The following CSGALNACT1 variants were observed in gnomAD, a reference collection of about 807,000 sequenced individuals.
CSGALNACT1 encodes the protein beta4GalNAcT-1.
Under a neutral mutation model 51.0 loss-of-function variants are expected in CSGALNACT1, and 52 were observed. The observed-to-expected ratio is 1.02, with a 90% CI of 0.82 to 1.29. The LOEUF (loss-of-function observed/expected upper bound fraction) is 1.29, where lower values mean the gene tolerates loss of function less well. CSGALNACT1 is among the 50% of genes most tolerant of loss of function. CSGALNACT1 has a pLI of 0.00. For missense variants in CSGALNACT1, 935 were observed against 679.2 expected (o/e 1.38, Z -4.19); for synonymous variants, 341 against 254.4 (o/e 1.34, Z -3.24).
At chr8:19,682,537 C>A in exon 1 of CSGALNACT1, 1 of 426,082 alleles carries the variant, frequency 2.3e-6, no homozygotes, top group Non-Finnish European at 4.8e-6. Flanking sequence ...TGGTCTTTCC[C>A]GGTCTTTGCT....
chr8:19,443,401 G>A (rs929283455), intron 5 of CSGALNACT1, among the ~76,000 whole-genome samples: 3 of 152,068 alleles, frequency 2.0e-5, no homozygotes, highest in Admixed American at 1.3e-4. Context: ...ATCTGTATTA[G>A]TCTATTCTCA....
At chr8:19,609,601 A>G (rs1039284803) in intron 1 of CSGALNACT1, among the ~76,000 whole-genome samples, 2 of 150,060 alleles carry the variant, frequency 1.3e-5, no homozygotes, top group African/African-American at 2.5e-5. Flanking sequence ...TACATACTGT[A>G]TGATTCCATT....
At chr8:19,633,764 T>C (rs774449054) in intron 1 of CSGALNACT1, among the ~76,000 whole-genome samples, 3 of 152,222 alleles carry the variant, frequency 2.0e-5, no homozygotes, top group South Asian at 4.1e-4. Context: ...ATCTAGCTTG[T>C]AGTGATTTGT....
At chr8:19,667,052 A>G (rs146481753) in intron 1 of CSGALNACT1, among the ~76,000 whole-genome samples, 5,524 of 101,638 alleles carry the variant, frequency 0.054, 551 homozygotes, top group Admixed American at 0.07. Flanking sequence ...AGAAAGAAAG[A>G]AAGAAAGAAA....
chr8:19,738,617 T>C (rs1381884178), intron 1 of CSGALNACT1, among the ~76,000 whole-genome samples: 2 of 152,160 alleles, frequency 1.3e-5, no homozygotes, highest in Admixed American at 6.5e-5. Context: ...CTAAAAATGG[T>C]AAAAATAATG....
At chr8:19,534,005 G>A (rs1244233398) in intron 3 of CSGALNACT1, among the ~76,000 whole-genome samples, 1 of 151,896 alleles carries the variant, frequency 6.6e-6, no homozygotes, top group Admixed American at 6.6e-5. Context: ...ATTGTTCTGA[G>A]GTACTCAGAT....
intron 1 of CSGALNACT1, among the ~76,000 whole-genome samples, chr8:19,669,010 A>G (rs1172025952): frequency 6.6e-6 from 1 of 152,226 alleles, no homozygotes; most frequent in East Asian, 1.9e-4. Flanking sequence ...CAGAAAAACA[A>G]CTTATTACAG....
At chr8:19,406,612 T>C (rs1284270249) in intron 9 of CSGALNACT1, among the ~76,000 whole-genome samples, 1 of 34,940 alleles carries the variant, frequency 2.9e-5, no homozygotes, top group African/African-American at 1.2e-4. Flanking sequence ...TAATTAAAAA[T>C]AGAGGTTTCG....
intron 5 of CSGALNACT1, among the ~76,000 whole-genome samples, 174 bp downstream of exon 4, chr8:19,458,252 T>C (rs1435677533): frequency 1.3e-5 from 2 of 152,218 alleles, no homozygotes; most frequent in Non-Finnish European, 2.9e-5. Context: ...AGTTTTCTAA[T>C]TGCTCTAGGG....
At chr8:19,719,471 T>C (rs986110913) in intron 1 of CSGALNACT1, among the ~76,000 whole-genome samples, 4 of 152,190 alleles carry the variant, frequency 2.6e-5, no homozygotes, top group African/African-American at 9.7e-5. Context: ...CCTCAGAACC[T>C]GGGTACATTA....
chr8:19,424,723 A>G (rs1696504702), intron 6 of CSGALNACT1, among the ~76,000 whole-genome samples: 2 of 152,206 alleles, frequency 1.3e-5, no homozygotes, highest in Admixed American at 1.3e-4. Context: ...TCACTAGACT[A>G]GAGTGCCCCC....
rs184059388 is a variant in CSGALNACT1 at position 19,699,266 on chromosome 8, A to G, written c.-297+58584T>C. 1.8e-3 allele frequency among the ~76,000 whole-genome samples: 274 copies of G among 152,302 alleles called. 2 individuals carry two copies. Among genetic ancestry groups the G allele is most frequent in the African/African-American group, 6.4e-3 (267 of 41,552 alleles). ...AGGTCACAGTTGGTTGAATCCACAG[A>G]TGCAGAACCCACAAGGCCAAGTGTA... is the stretch of plus-strand genomic sequence containing the variant. On this transcript the variant is annotated intron_variant, in intron 1 of 1. Coordinates refer to the CSGALNACT1 transcript ENST00000517494.
At chr8:19,505,638 T>C in exon 4 of CSGALNACT1, 2 of 1,614,042 alleles carry the variant, frequency 1.2e-6, no homozygotes, top group South Asian at 2.2e-5. Flanking sequence ...GCGGTGCTGC[T>C]CCTCCCACTC....
intron 6 of CSGALNACT1, among the ~76,000 whole-genome samples, chr8:19,433,913 C>A (rs1001763873): frequency 4.6e-5 from 7 of 152,188 alleles, no homozygotes; most frequent in East Asian, 1.9e-4. Context: ...ATATCTCCAA[C>A]CCCATTTTGT....
chr8:19,586,025 A>G (rs77478025), intron 3 of CSGALNACT1, among the ~76,000 whole-genome samples: 5,006 of 152,256 alleles, frequency 0.033, 289 homozygotes, highest in African/African-American at 0.11. Context: ...TTCTTTCAAC[A>G]TGAAACCAAT....
intron 4 of CSGALNACT1, among the ~76,000 whole-genome samples, chr8:19,500,609 C>T (rs78038825): frequency 0.027 from 4,177 of 152,264 alleles, 181 homozygotes; most frequent in African/African-American, 0.095. Flanking sequence ...GCATTCCTTA[C>T]AGGCTACTTA....
intron 3 of CSGALNACT1, among the ~76,000 whole-genome samples, chr8:19,580,751 A>G (rs535566354): frequency 6.6e-6 from 1 of 152,352 alleles, no homozygotes; most frequent in East Asian, 1.9e-4. Flanking sequence ...TCAAAATAGC[A>G]TTTTACTATA....
chr8:19,530,674 C>G (rs574363832), intron 3 of CSGALNACT1, among the ~76,000 whole-genome samples: 1 of 151,956 alleles, frequency 6.6e-6, no homozygotes, highest in Non-Finnish European at 1.5e-5. Context: ...GGGGCTATAG[C>G]GAGCTATGAT....
At chr8:19,684,864 C>A (rs780550077), upstream of CSGALNACT1, among the ~76,000 whole-genome samples, 4 of 152,192 alleles carry the variant, frequency 2.6e-5, no homozygotes, top group African/African-American at 7.2e-5. Flanking sequence ...TAAATATTCA[C>A]TTTGGTATGT....
Sources: gnomAD v4.1 joint callset for allele counts (sites outside exome capture counted in the v4.1 genomes callset) on GRCh38, gnomAD v4.1.1 for gene constraint, MANE v1.5 for transcripts, NCBI Gene and HGNC (gene_info 2026-07-23, HGNC 2026-07-21) for gene names.